The following ADGRL2 variants were observed in gnomAD, a reference collection of about 807,000 sequenced individuals.
ADGRL2 encodes the protein calcium-independent alpha-latrotoxin receptor 2.
A neutral mutation model predicts 157.4 loss-of-function variants in ADGRL2; 44 were observed. That is an observed-to-expected ratio of 0.28 (90% CI 0.22 to 0.36). The LOEUF (loss-of-function observed/expected upper bound fraction) is 0.36. Ranked by LOEUF, ADGRL2 falls within the 10% of genes least tolerant of loss-of-function variation. The probability of loss-of-function intolerance (pLI) is 1.00; values close to 1 mark genes in which losing one functional copy is unlikely to be tolerated. For missense variants in ADGRL2, 1,510 were observed against 1,768.9 expected (o/e 0.85, Z 2.63); for synonymous variants, 585 against 624.7 (o/e 0.94, Z 0.95).
chr1:81,546,310 C>T (rs746996206), intron 2 of ADGRL2, among the ~76,000 whole-genome samples: 8 of 152,094 alleles, frequency 5.3e-5, no homozygotes, highest in South Asian at 2.1e-4. Context: ...ACGCAAAGTC[C>T]GGCTTACTCC....
chr1:81,386,343 T>C (rs1341590842), intron 1 of ADGRL2, among the ~76,000 whole-genome samples: 2 of 152,182 alleles, frequency 1.3e-5, no homozygotes, highest in Non-Finnish European at 2.9e-5. Context: ...TGTGGTAAGG[T>C]AACAATTGAA....
At chr1:81,939,325 T>A (rs1175321022) in intron 4 of ADGRL2, among the ~76,000 whole-genome samples, 1 of 151,540 alleles carries the variant, frequency 6.6e-6, no homozygotes, top group Admixed American at 6.6e-5. Context: ...ATTGCATATA[T>A]TTATATTTGA....
chr1:81,394,462 A>G (rs1027033405), intron 1 of ADGRL2, among the ~76,000 whole-genome samples: 1 of 152,160 alleles, frequency 6.6e-6, no homozygotes, highest in Non-Finnish European at 1.5e-5. Context: ...AACATATGGT[A>G]TCTATCTTTT....
Position 81,606,774 on chromosome 1 carries a change from GCGCA to G in ADGRL2, c.-143+25798_-143+25801del, listed in dbSNP as rs1156906856. ...TGTGTGTGTGTGTGTGTGTGTGTGT[GCGCA>G]CGCGTGTGTGTGTGTTTATGGCCTA... On this transcript the variant is annotated intron_variant, in intron 3 of 24. Coordinates refer to the ADGRL2 transcript ENST00000370721. Among the ~76,000 whole-genome samples, 9 of 132,614 alleles carry G rather than the reference GCGCA, an allele frequency of 6.8e-5. No individual in the cohort carries two copies. The South Asian group carries it at 2.0e-3, about 30-fold the overall frequency. The allele number at this position is 132,614 out of a possible 152,430, so 87.0% of individuals were successfully genotyped here.
At chr1:81,360,857 G>GA (rs1194574532) in intron 1 of ADGRL2, among the ~76,000 whole-genome samples, 2 of 151,860 alleles carry the variant, frequency 1.3e-5, no homozygotes, top group African/African-American at 4.8e-5. Context: ...AATAATGTAA[G>GA]AAAAAAATAT....
At chr1:81,331,077 A>C (rs1272268146) in intron 1 of ADGRL2, among the ~76,000 whole-genome samples, 1 of 152,164 alleles carries the variant, frequency 6.6e-6, no homozygotes, top group Non-Finnish European at 1.5e-5. Flanking sequence ...CTCAATAAAT[A>C]TTTGATGATA....
In ADGRL2 at chr1:81,981,797, T is replaced by C; in HGVS notation, c.3114-11T>C. 3.8e-6 allele frequency: 6 copies of C among 1,597,716 alleles called. No individual in the cohort carries two copies. Among genetic ancestry groups the C allele is most frequent in the Non-Finnish European group, 5.1e-6 (6 of 1,174,674 alleles). ...TTGAACCTGTTAAAAAAGTTCACTT[T>C]ATTTTTCCAGGTCTTGGGTGCTTGG... On this transcript the variant is annotated splice_polypyrimidine_tract_variant and intron_variant, in intron 18 of 23. Transcript: ENST00000686636.
Position 81,563,227 on chromosome 1 carries a change from G to T in ADGRL2, c.-247-17649G>T, listed in dbSNP as rs533989346. On this transcript the variant is annotated intron_variant, in intron 2 of 24. Coordinates refer to the ADGRL2 transcript ENST00000370721. ...AATCATTGTAACTTGGCTTCAATTT[G>T]TAAGGCATTACACATCAGTTATTAC... is the stretch of plus-strand genomic sequence containing the variant. 3.6e-4 allele frequency among the ~76,000 whole-genome samples: 55 copies of T among 152,278 alleles called. No individual in the cohort carries two copies. The Middle Eastern group carries it at 0.01, about 28-fold the overall frequency.
At chr1:81,427,448 G>A (rs2077239383) in intron 1 of ADGRL2, 3 of 751,642 alleles carry the variant, frequency 4.0e-6, no homozygotes, top group East Asian at 2.4e-5. Context: ...GGTGGTAACT[G>A]TGGTGGTGGT....
Position 81,718,605 on chromosome 1 carries a change from C to T in ADGRL2, c.-143+18797C>T, listed in dbSNP as rs1014247065. ...TTGGAAACCTTAAAGTGTTTTGTAT[C>T]CTTTTCATTATCTACAAAAGTATAA... On this transcript the variant is annotated intron_variant, in intron 1 of 20. Coordinates refer to the ADGRL2 transcript ENST00000359929. Among the ~76,000 whole-genome samples, 3 of 152,080 alleles carry T rather than the reference C, an allele frequency of 2.0e-5. No individual in the cohort carries two copies. The East Asian group carries it at 5.8e-4, about 29-fold the overall frequency.
chr1:81,475,349 A>G (rs2101889197), intron 2 of ADGRL2, among the ~76,000 whole-genome samples: 1 of 152,240 alleles, frequency 6.6e-6, no homozygotes, highest in Admixed American at 6.5e-5. Flanking sequence ...AGTTTTTATT[A>G]CTATTGTTTA....
intron 1 of ADGRL2, among the ~76,000 whole-genome samples, chr1:81,352,042 C>T (rs1662934417): frequency 6.6e-6 from 1 of 152,196 alleles, no homozygotes; most frequent in South Asian, 2.1e-4. Flanking sequence ...TGCTTCTAAC[C>T]TCAAAGGCAC....
intron 1 of ADGRL2, among the ~76,000 whole-genome samples, chr1:81,367,854 A>T (rs1014839102): frequency 1.3e-5 from 2 of 152,074 alleles, no homozygotes; most frequent in Non-Finnish European, 2.9e-5. Flanking sequence ...GCCCAGCCTG[A>T]TCTCATTCCT....
intron 1 of ADGRL2, among the ~76,000 whole-genome samples, chr1:81,428,224 T>C (rs893488842): frequency 1.3e-5 from 2 of 152,272 alleles, no homozygotes; most frequent in South Asian, 2.1e-4. Flanking sequence ...GAATAGATAT[T>C]TGTGTGTTTG....
intron 2 of ADGRL2, among the ~76,000 whole-genome samples, chr1:81,485,926 C>A (rs1412768673): frequency 6.6e-6 from 1 of 152,198 alleles, no homozygotes; most frequent in Non-Finnish European, 1.5e-5. Flanking sequence ...CAGACATCTA[C>A]TGAGCTAACA....
At chr1:81,829,717 CAT>C (rs558155493) in intron 1 of ADGRL2, among the ~76,000 whole-genome samples, 45 of 152,274 alleles carry the variant, frequency 3.0e-4, no homozygotes, top group Admixed American at 7.2e-4. Flanking sequence ...CTTAGTTAAA[CAT>C]ATTGCAGAAG....
chr1:81,358,484 A>G (rs1263047562), intron 1 of ADGRL2, among the ~76,000 whole-genome samples: 1 of 152,148 alleles, frequency 6.6e-6, no homozygotes, highest in Admixed American at 6.5e-5. Context: ...CCCCTGAATA[A>G]TCCCAATTCA....
intron 2 of ADGRL2, among the ~76,000 whole-genome samples, chr1:81,570,998 C>A (rs1179658744): frequency 6.6e-6 from 1 of 152,068 alleles, no homozygotes; most frequent in Non-Finnish European, 1.5e-5. Flanking sequence ...ATAGGCATGA[C>A]TGTATTCCAA....
intron 17 of ADGRL2, among the ~76,000 whole-genome samples, chr1:81,973,135 G>C (rs1038123250): frequency 1.8e-4 from 28 of 152,100 alleles, no homozygotes; most frequent in Non-Finnish European, 2.9e-5. Context: ...ACCACTTCAA[G>C]TGTATATTTG....
Sources: gnomAD v4.1 joint callset for allele counts (sites outside exome capture counted in the v4.1 genomes callset) on GRCh38, gnomAD v4.1.1 for gene constraint, MANE v1.5 for transcripts, NCBI Gene and HGNC (gene_info 2026-07-23, HGNC 2026-07-21) for gene names.